Variants in NDUFAF2 observed in about 807,000 individuals in gnomAD.
NDUFAF2 encodes NADH dehydrogenase [ubiquinone] 1 alpha subcomplex assembly factor 2.
Under a neutral mutation model 22.8 loss-of-function variants are expected in NDUFAF2, and 13 were observed. The observed-to-expected ratio is 0.57, with a 90% CI of 0.37 to 0.91. The LOEUF is 0.91. NDUFAF2 is among the 40% of genes least tolerant of loss of function. The probability of loss-of-function intolerance (pLI) is 0.01; values close to 1 mark genes in which losing one functional copy is unlikely to be tolerated. For synonymous variants in NDUFAF2, 53 were observed against 64.2 expected (o/e 0.83, Z 0.84); for missense variants, 162 against 195.2 (o/e 0.83, Z 1.01).
At chr5:61,050,515 C>G (rs1057392055) in intron 1 of NDUFAF2, 1 of 151,798 alleles carries the variant, frequency 6.6e-6, no homozygotes, top group Admixed American at 6.6e-5. Context: ...CTGGCCAAAA[C>G]AAAATCCAGC....
At chr5:61,076,410 A>G (rs1346660809) in intron 2 of NDUFAF2, among the ~76,000 whole-genome samples, 1 of 152,210 alleles carries the variant, frequency 6.6e-6, no homozygotes, top group Admixed American at 6.5e-5. Flanking sequence ...AAAAGGCTTT[A>G]CTGAAATGAC....
At position 61,073,208 on chromosome 5, in the gene NDUFAF2, T is replaced by A; in HGVS notation, c.211T>A (p.Trp71Arg). The A allele has an allele frequency of 1.9e-6, 3 of 1,609,786 alleles. No homozygotes were observed. The highest frequency in any genetic ancestry group is 2.6e-6 in the Non-Finnish European group (3 of 1,176,196). ...DYEAGDIPTE[W>R]EAWIRRTRKT... ...TGAAGCAGGGGATATTCCAACAGAA[T>A]GGGAAGGTAAGTTTCTGCTTTTAGT... The change falls in exon 2 of 4, where the codon TGG (tryptophan) becomes AGG (arginine). Residue 71 changes from tryptophan (W) to arginine (R), a missense_variant. Physicochemically the swap from Trp to Arg is moderately radical, Grantham distance 101. This residue lies in a region of NDUFAF2 where 94 missense variants were observed against 85.2 expected (regional missense o/e 1.10). Coordinates refer to ENST00000296597, the MANE Select transcript of NDUFAF2 (RefSeq NM_174889.5).
chr5:60,950,198 TC>T (rs902082217), intron 1 of NDUFAF2, among the ~76,000 whole-genome samples: 1 of 152,132 alleles, frequency 6.6e-6, no homozygotes, highest in Admixed American at 6.6e-5. Context: ...ATTTTTTTTT[TC>T]CCCAAAGGTG....
chr5:61,044,700 C>T (rs1461412230), intron 1 of NDUFAF2, among the ~76,000 whole-genome samples: 1 of 151,984 alleles, frequency 6.6e-6, no homozygotes, highest in East Asian at 1.9e-4. Context: ...GTTTTTATGC[C>T]AATACCATGC....
At chr5:60,966,928 A>G (rs1750765241) in intron 1 of NDUFAF2, among the ~76,000 whole-genome samples, 1 of 152,054 alleles carries the variant, frequency 6.6e-6, no homozygotes, top group Non-Finnish European at 1.5e-5. Flanking sequence ...TGTAGATTGC[A>G]TAGGGTAGTA....
chr5:61,075,017 G>T (rs909967533), intron 2 of NDUFAF2, among the ~76,000 whole-genome samples: 1 of 151,976 alleles, frequency 6.6e-6, no homozygotes, highest in African/African-American at 2.4e-5. Flanking sequence ...TGGGGAAACC[G>T]CCCCCATGAT....
chr5:61,028,798 TTCACATTC>T (rs1387232884), intron 1 of NDUFAF2, among the ~76,000 whole-genome samples: 1 of 152,152 alleles, frequency 6.6e-6, no homozygotes. Flanking sequence ...ACCTTAGCAG[TTCACATTC>T]TCACCAACAA....
rs149834384 is a variant in NDUFAF2, at chr5:61,033,877, T to C, written c.128-39248T>C. ...TAGTTGACTCTCTTGGGAAAAACTATACATAAATAAATACAACCTGTTTCA... is the reference window on the plus strand; with the variant it reads ...TAGTTGACTCTCTTGGGAAAAACTACACATAAATAAATACAACCTGTTTCA... On this transcript the variant is annotated intron_variant, in intron 1 of 3. Coordinates refer to ENST00000296597, the MANE Select transcript of NDUFAF2 (RefSeq NM_174889.5). Among the ~76,000 whole-genome samples the C allele has an allele frequency of 1.9e-3, 288 of 152,314 alleles. 1 individual carries two copies. Among genetic ancestry groups the C allele is most frequent in the Middle Eastern group, 6.8e-3 (2 of 294 alleles).
At chr5:61,033,784 A>G (rs1751758492) in intron 1 of NDUFAF2, among the ~76,000 whole-genome samples, 1 of 152,144 alleles carries the variant, frequency 6.6e-6, no homozygotes, top group African/African-American at 2.4e-5. Flanking sequence ...GACTACTTAG[A>G]AGGAGTTACA....
intron 1 of NDUFAF2, among the ~76,000 whole-genome samples, chr5:61,025,739 A>G (rs1751641157): frequency 6.6e-6 from 1 of 152,024 alleles, no homozygotes; most frequent in Admixed American, 6.6e-5. Context: ...TCTTGACTTC[A>G]TATATAGAAA....
At chr5:61,029,650 T>A (rs188666458) in intron 1 of NDUFAF2, among the ~76,000 whole-genome samples, 1 of 152,154 alleles carries the variant, frequency 6.6e-6, no homozygotes, top group African/African-American at 2.4e-5. Flanking sequence ...GCTGCAAGTG[T>A]CTTCACCCCA....
At chr5:61,063,343 T>TA (rs35853222) in intron 1 of NDUFAF2, among the ~76,000 whole-genome samples, 22,901 of 146,692 alleles carry the variant, frequency 0.16, 2,110 homozygotes, top group South Asian at 0.22. Context: ...TCAAAAAAGT[T>TA]AAAAAAAAAA....
At chr5:61,149,779 T>C (rs1228380904) in intron 3 of NDUFAF2, among the ~76,000 whole-genome samples, 1 of 152,230 alleles carries the variant, frequency 6.6e-6, no homozygotes, top group Admixed American at 6.5e-5. Flanking sequence ...TTCCAAGGAA[T>C]TGGAAGGAAA....
chr5:60,960,471 A>G (rs1323896361), intron 1 of NDUFAF2, among the ~76,000 whole-genome samples: 1 of 152,160 alleles, frequency 6.6e-6, no homozygotes, highest in Non-Finnish European at 1.5e-5. Flanking sequence ...ATCACATGAA[A>G]CTATTACTTT....
At position 60,982,695 on chromosome 5, in the gene NDUFAF2, C is replaced by T. The variant is rs184751753; in HGVS notation, c.127+37313C>T. ...ATAGTTTACTGAGAATGATGGTTTC[C>T]AGCTTCGTCCATGTCCCTACAAAGG... On this transcript the variant is annotated intron_variant, in intron 1 of 3. Transcript: ENST00000296597. Among the ~76,000 whole-genome samples the T allele has an allele frequency of 4.6e-5, 7 of 151,912 alleles. 1 individual carries two copies. The East Asian group carries it at 1.4e-3, about 30-fold the overall frequency.
rs1379306871 is a variant in NDUFAF2 at position 61,152,752 on chromosome 5, C to T, written c.307C>T (p.Gln103Ter). The T allele has an allele frequency of 3.2e-6, 5 of 1,586,710 alleles. No individual in the cohort carries two copies. Among genetic ancestry groups the T allele is most frequent in the Non-Finnish European group, 4.3e-6 (5 of 1,167,362 alleles). ...KHREEIKIKS[Q>*]DFYEKEKLLS... ...CAGAGAAGAAATCAAAATAAAAAGC[C>T]AAGATTTTTATGAAAAAGAAAAACT... Residue 103 changes from glutamine (Q) to a stop codon, truncating the protein, a stop_gained, in exon 4 of 4, where the codon CAA (glutamine) becomes TAA (stop). Transcript: ENST00000296597. LOFTEE classifies it high-confidence loss of function.
chr5:61,023,630 G>A (rs909796933), intron 1 of NDUFAF2, among the ~76,000 whole-genome samples: 3 of 152,050 alleles, frequency 2.0e-5, no homozygotes, highest in Admixed American at 6.6e-5. Context: ...TTTACACCAC[G>A]GAATTATGTA....
chr5:61,117,013 C>T (rs1561570233), intron 3 of NDUFAF2, among the ~76,000 whole-genome samples: 1 of 152,170 alleles, frequency 6.6e-6, no homozygotes, highest in Non-Finnish European at 1.5e-5. Context: ...ACATAACTCA[C>T]TTGTTGACAG....
intron 1 of NDUFAF2, among the ~76,000 whole-genome samples, chr5:60,974,644 C>G (rs1750878225): frequency 6.6e-6 from 1 of 151,760 alleles, no homozygotes; most frequent in Admixed American, 6.6e-5. Context: ...GAGCCACTGC[C>G]CTCTGCCCTG....
Sources: allele counts gnomAD v4.1 joint callset (sites outside exome capture counted in the v4.1 genomes callset), GRCh38; gene constraint gnomAD v4.1.1; regional missense constraint gnomAD v4.1.1; transcripts MANE v1.5; gene names NCBI Gene and HGNC (gene_info 2026-07-23, HGNC 2026-07-21).